Variants in PPARGC1A observed in about 807,000 individuals in gnomAD.
The protein encoded by PPARGC1A is peroxisome proliferator-activated receptor gamma coactivator 1-alpha.
A neutral mutation model predicts 88.7 loss-of-function variants in PPARGC1A; 25 were observed. That is an observed-to-expected ratio of 0.28 (90% confidence interval 0.21 to 0.39). PPARGC1A has a LOEUF of 0.39. Ranked by LOEUF, PPARGC1A falls within the 10% of genes least tolerant of loss-of-function variation. PPARGC1A has a pLI of 1.00. For synonymous variants in PPARGC1A, 363 were observed against 355.6 expected (o/e 1.02, Z -0.24); for missense variants, 880 against 968.7 (o/e 0.91, Z 1.22).
the PPARGC1A span, among the ~76,000 whole-genome samples, chr4:24,341,667 G>A: frequency 6.6e-6 from 1 of 152,156 alleles, no homozygotes. Context: ...ATAAATGGAA[G>A]TTACTGTGAA....
chr4:23,842,359 T>C (rs1727204325), intron 2 of PPARGC1A, among the ~76,000 whole-genome samples: 1 of 152,130 alleles, frequency 6.6e-6, no homozygotes, highest in African/African-American at 2.4e-5. Context: ...GTTTCTATTC[T>C]ATCCCTACTC....
the PPARGC1A span, among the ~76,000 whole-genome samples, chr4:24,424,218 G>GAA: frequency 1.9e-5 from 2 of 107,760 alleles, no homozygotes; most frequent in Admixed American, 2.2e-4. Flanking sequence ...TTAGGAAAAG[G>GAA]AAAAAAAAAA....
intron 12 of PPARGC1A, among the ~76,000 whole-genome samples, chr4:23,798,681 G>A (rs900285529): frequency 1.3e-5 from 2 of 152,094 alleles, no homozygotes; most frequent in East Asian, 3.9e-4. Flanking sequence ...TTTGGATCCT[G>A]TAGTCCTACT....
chr4:24,266,022 G>A, the PPARGC1A span, among the ~76,000 whole-genome samples: 775 of 152,262 alleles, frequency 5.1e-3, 6 homozygotes, highest in South Asian at 0.03. Context: ...ATTAACCCAA[G>A]CCCGTAAAAA....
the PPARGC1A span, among the ~76,000 whole-genome samples, chr4:24,097,977 T>C: frequency 2.0e-5 from 3 of 152,240 alleles, no homozygotes; most frequent in Non-Finnish European, 4.4e-5. Context: ...GTCCTGTTAT[T>C]GACAATTATG....
chr4:24,052,580 T>G, the PPARGC1A span, among the ~76,000 whole-genome samples: 1 of 149,578 alleles, frequency 6.7e-6, no homozygotes, highest in South Asian at 2.1e-4. Flanking sequence ...GAGGTTGCAG[T>G]GAGCTGAGAT....
intron 3 of PPARGC1A, among the ~76,000 whole-genome samples, chr4:23,831,171 C>G (rs1724935371): frequency 6.6e-6 from 1 of 152,060 alleles, no homozygotes; most frequent in Non-Finnish European, 1.5e-5. Flanking sequence ...AACCCATATG[C>G]TCATGATATA....
chr4:24,275,251 T>C, the PPARGC1A span, among the ~76,000 whole-genome samples: 2 of 152,198 alleles, frequency 1.3e-5, no homozygotes, highest in Non-Finnish European at 2.9e-5. Context: ...ACAACTCTAC[T>C]GGCATCAGCA....
the PPARGC1A span, among the ~76,000 whole-genome samples, chr4:24,398,346 T>G: frequency 6.6e-6 from 1 of 152,214 alleles, no homozygotes; most frequent in Admixed American, 6.5e-5. Context: ...AATAGTTAAT[T>G]TATGGTGGCT....
At chr4:24,256,839 T>G in the PPARGC1A span, among the ~76,000 whole-genome samples, 1 of 152,272 alleles carries the variant, frequency 6.6e-6, no homozygotes, top group South Asian at 2.1e-4. Context: ...CTCTGGACTC[T>G]GAGATGCAGA....
the PPARGC1A span, among the ~76,000 whole-genome samples, chr4:23,958,132 G>A: frequency 2.6e-5 from 4 of 152,102 alleles, no homozygotes; most frequent in South Asian, 6.2e-4. Flanking sequence ...TTGGCTGTAT[G>A]TAATAAGTGC....
chr4:23,926,440 C>T, the PPARGC1A span, among the ~76,000 whole-genome samples: 2 of 152,132 alleles, frequency 1.3e-5, no homozygotes, highest in Non-Finnish European at 2.9e-5. Context: ...GATGAATGTC[C>T]TAGTTCAAGC....
the PPARGC1A span, among the ~76,000 whole-genome samples, chr4:24,050,893 A>C: frequency 5.3e-5 from 8 of 152,072 alleles, no homozygotes; most frequent in Admixed American, 5.2e-4. Context: ...CCCAAGGCCT[A>C]AAGAAAGGTC....
chr4:24,235,831 G>A, the PPARGC1A span, among the ~76,000 whole-genome samples: 116 of 152,136 alleles, frequency 7.6e-4, no homozygotes, highest in Admixed American at 1.2e-3. Context: ...GAAGTGATCA[G>A]AGGAGGTGAC....
chr4:23,846,253 T>C (rs533388102), intron 2 of PPARGC1A, among the ~76,000 whole-genome samples: 2 of 152,282 alleles, frequency 1.3e-5, no homozygotes, highest in South Asian at 2.1e-4. Flanking sequence ...CACTGAATAG[T>C]AAAAGCTGCG....
At chr4:24,082,305 G>C in the PPARGC1A span, among the ~76,000 whole-genome samples, 3 of 152,112 alleles carry the variant, frequency 2.0e-5, no homozygotes, top group Non-Finnish European at 4.4e-5. Context: ...AAGGCTAAAG[G>C]AAGGATGACC....
chr4:24,167,901 G>A, the PPARGC1A span, among the ~76,000 whole-genome samples: 3 of 152,154 alleles, frequency 2.0e-5, no homozygotes, highest in South Asian at 6.2e-4. Context: ...CCACAGGCAT[G>A]CACAACCATG....
chr4:24,387,289 C>T, the PPARGC1A span, among the ~76,000 whole-genome samples: 212 of 152,160 alleles, frequency 1.4e-3, 2 homozygotes, highest in African/African-American at 5.0e-3. Context: ...CATAAAAAAC[C>T]CTAGAAGAAA....
At chr4:24,289,275 C>G in the PPARGC1A span, among the ~76,000 whole-genome samples, 1 of 145,600 alleles carries the variant, frequency 6.9e-6, no homozygotes, top group Non-Finnish European at 1.5e-5. Context: ...GTTAGCTGTT[C>G]AAAGCAGGAA....
Sources: gnomAD v4.1 joint callset for allele counts (sites outside exome capture counted in the v4.1 genomes callset) on GRCh38, gnomAD v4.1.1 for gene constraint, MANE v1.5 for transcripts, NCBI Gene and HGNC (gene_info 2026-07-23, HGNC 2026-07-21) for gene names.